CIST1: variants seen among roughly 807,000 people sequenced by gnomAD.
CIST1 encodes colon, intestine and stomach enriched 1, also known as uncharacterized LOC729966.
At chr19:18,250,576 C>T in the CIST1 span, 8 of 397,626 alleles carry the variant, frequency 2.0e-5, no homozygotes, top group South Asian at 9.6e-4. Flanking sequence ...GGAAGCTGAC[C>T]TCTCTTCCCT....
the CIST1 span, chr19:18,250,007 C>A: frequency 1.8e-5 from 7 of 397,902 alleles, no homozygotes; most frequent in African/African-American, 1.4e-4. Flanking sequence ...TCACACGAGT[C>A]CATAACTCGT....
chr19:18,252,616 C>CT, the CIST1 span: 7,607 of 282,288 alleles, frequency 0.027, no homozygotes, highest in East Asian at 0.031. Flanking sequence ...TTCTCTCTCT[C>CT]TTTTTTTTTT....
the CIST1 span, among the ~76,000 whole-genome samples, chr19:18,253,036 A>G: frequency 0.31 from 46,923 of 152,126 alleles, 7,468 homozygotes; most frequent in South Asian, 0.44. Context: ...CCTGGTCTGA[A>G]GTCCCACAGC....
the CIST1 span, among the ~76,000 whole-genome samples, chr19:18,252,788 T>C: frequency 2.6e-5 from 4 of 152,268 alleles, no homozygotes; most frequent in East Asian, 5.8e-4. Context: ...TGGCTAATTT[T>C]TGCATTTTTA....
the CIST1 span, chr19:18,250,050 G>T: frequency 2.5e-6 from 1 of 398,728 alleles, no homozygotes; most frequent in East Asian, 3.6e-5. Flanking sequence ...GAATGGTAGG[G>T]GCTTTATTTC....
the CIST1 span, among the ~76,000 whole-genome samples, chr19:18,254,743 G>C: frequency 6.6e-6 from 1 of 152,110 alleles, no homozygotes; most frequent in African/African-American, 2.4e-5. Flanking sequence ...GAAGCTCAAG[G>C]CTCCTCCCCT....
At chr19:18,253,917 G>C in the CIST1 span, among the ~76,000 whole-genome samples, 1 of 152,154 alleles carries the variant, frequency 6.6e-6, no homozygotes, top group African/African-American at 2.4e-5. Flanking sequence ...TCAACTCTCT[G>C]CTCCACCCAT....
At chr19:18,252,273 G>T in the CIST1 span, 1 of 399,188 alleles carries the variant, frequency 2.5e-6, no homozygotes, top group Admixed American at 4.4e-5. Flanking sequence ...TGAATCTGTG[G>T]AGCTGGGGCT....
At chr19:18,251,110 T>A in the CIST1 span, among the ~76,000 whole-genome samples, 1 of 147,914 alleles carries the variant, frequency 6.8e-6, no homozygotes, top group Non-Finnish European at 1.5e-5. Flanking sequence ...ATTACTTTAT[T>A]TATTTTTGAG....
At chr19:18,251,260 G>A in the CIST1 span, among the ~76,000 whole-genome samples, 26,856 of 149,430 alleles carry the variant, frequency 0.18, 2,627 homozygotes, top group East Asian at 0.36. Flanking sequence ...CAAGTAGCCC[G>A]GATTACAGGC....
At chr19:18,254,677 C>T in the CIST1 span, among the ~76,000 whole-genome samples, 6 of 152,254 alleles carry the variant, frequency 3.9e-5, no homozygotes, top group South Asian at 4.1e-4. Context: ...GGTAGGACAC[C>T]GGTCAGAGAG....
chr19:18,253,392 AT>A, the CIST1 span, among the ~76,000 whole-genome samples: 1 of 152,124 alleles, frequency 6.6e-6, no homozygotes, highest in Non-Finnish European at 1.5e-5. Context: ...CTACAAAAAA[AT>A]AAAACAAAAA....
At chr19:18,252,298 G>C in the CIST1 span, 1 of 399,138 alleles carries the variant, frequency 2.5e-6, no homozygotes. Flanking sequence ...TGGATGGTAG[G>C]GGTTGCCCCT....
chr19:18,250,259 C>T, the CIST1 span: 4 of 398,936 alleles, frequency 1.0e-5, no homozygotes, highest in South Asian at 2.5e-4. Context: ...ATAGCAGCTC[C>T]CCCAACCATG....
At chr19:18,253,835 A>T in the CIST1 span, among the ~76,000 whole-genome samples, 13 of 152,188 alleles carry the variant, frequency 8.5e-5, no homozygotes, top group Non-Finnish European at 1.6e-4. Flanking sequence ...GCAGTTCATG[A>T]GCCACCTCCC....
the CIST1 span, among the ~76,000 whole-genome samples, chr19:18,253,395 A>T: frequency 6.6e-6 from 1 of 152,086 alleles, no homozygotes; most frequent in African/African-American, 2.4e-5. Flanking sequence ...CAAAAAAATA[A>T]AACAAAAATT....
the CIST1 span, among the ~76,000 whole-genome samples, chr19:18,250,773 A>ATT: frequency 5.9e-4 from 73 of 124,642 alleles, no homozygotes; most frequent in Middle Eastern, 4.5e-3. Context: ...TGCCTGGACA[A>ATT]TTTTTTTTTT....
the CIST1 span, chr19:18,250,261 C>A: frequency 2.5e-6 from 1 of 399,076 alleles, no homozygotes. Flanking sequence ...AGCAGCTCCC[C>A]CAACCATGCC....
At chr19:18,254,633 T>C in the CIST1 span, among the ~76,000 whole-genome samples, 1 of 152,136 alleles carries the variant, frequency 6.6e-6, no homozygotes, top group Non-Finnish European at 1.5e-5. Flanking sequence ...TCAGCAGCCA[T>C]GGTGGCCTCT....
Sources: gnomAD v4.1 joint callset for allele counts (sites outside exome capture counted in the v4.1 genomes callset) on GRCh38, gnomAD v4.1.1 for gene constraint, MANE v1.5 for transcripts, NCBI Gene and HGNC (gene_info 2026-07-23, HGNC 2026-07-21) for gene names.